Variants in ANKHD1 observed in about 807,000 individuals in gnomAD.
ANKHD1 encodes the protein ankyrin repeat and KH domain containing 1, also known as ankyrin repeat and KH domain-containing protein 1.
ANKHD1 carries 31 observed loss-of-function variants against 230.5 expected under a neutral mutation model. The observed-to-expected ratio is 0.13, with a 90% CI of 0.10 to 0.18. ANKHD1 has a LOEUF of 0.18. Ranked by LOEUF, ANKHD1 falls within the 10% of genes least tolerant of loss-of-function variation. The pLI is 1.00. For synonymous variants in ANKHD1, 1,074 were observed against 1,117.6 expected (o/e 0.96, Z 0.78); for missense variants, 2,256 against 3,071.3 (o/e 0.73, Z 6.27).
intron 10 of ANKHD1, among the ~76,000 whole-genome samples, chr5:140,469,880 A>G (rs1776369002): frequency 6.6e-6 from 1 of 151,702 alleles, no homozygotes; most frequent in Non-Finnish European, 1.5e-5. Flanking sequence ...AGTCTTTCTT[A>G]TTATATAGCT....
At chr5:140,402,549 C>G (rs1042663724) in intron 1 of ANKHD1, among the ~76,000 whole-genome samples, 1 of 152,202 alleles carries the variant, frequency 6.6e-6, no homozygotes, top group Non-Finnish European at 1.5e-5. Context: ...CAGGCTGCCT[C>G]CCGCCCACCC....
chr5:140,451,118 C>T (rs1774702245), intron 7 of ANKHD1, among the ~76,000 whole-genome samples: 1 of 152,090 alleles, frequency 6.6e-6, no homozygotes, highest in Non-Finnish European at 1.5e-5. Context: ...CACCACTGCA[C>T]TCCAGCCTGG....
chr5:140,455,374 A>G (rs1775093450), intron 7 of ANKHD1, among the ~76,000 whole-genome samples: 1 of 152,238 alleles, frequency 6.6e-6, no homozygotes, highest in African/African-American at 2.4e-5. Context: ...TGAGGCCAGC[A>G]TCATCCTAAT....
intron 20 of ANKHD1, 74 bp from the exon 21 acceptor site, chr5:140,509,563 T>C: frequency 7.1e-7 from 1 of 1,408,376 alleles, no homozygotes; most frequent in Non-Finnish European, 9.3e-7. Context: ...AGAAATTATG[T>C]AGCTTAGTTT....
chr5:140,485,398 AC>A lies in ANKHD1; in HGVS notation c.1998+151del, dbSNP rs1751460393. 1 of 598,822 alleles carries A rather than the reference AC, an allele frequency of 1.7e-6. No individual in the cohort carries two copies. Among genetic ancestry groups the A allele is most frequent in the South Asian group, 2.7e-5 (1 of 37,260 alleles). The allele number at this position is 598,822 out of a possible 1,614,324, so 37.1% of individuals were successfully genotyped here. On this transcript the variant is annotated intron_variant, in intron 12 of 33. Coordinates refer to ENST00000360839, the MANE Select transcript of ANKHD1 (RefSeq NM_017747.3). The surrounding 1 kb of genome is among the most constrained non-coding windows in gnomAD (Gnocchi z 4.8). ...ATAAGGAGACCCCATCTCTATTAAA[AC>A]ACACACACACACACACACACACACA...
At position 140,538,331 on chromosome 5, in the gene ANKHD1, C is replaced by G. The variant is rs1364999970; in HGVS notation, c.7404+70C>G. ...CCAATGTAGTCACATTAAGGAATAC[C>G]TTGTATTGAAATAATGCTCCCTTTT... On this transcript the variant is annotated intron_variant, in intron 32 of 33. Transcript: ENST00000360839. The G allele has an allele frequency of 4.5e-6, 7 of 1,558,134 alleles. No individual in the cohort carries two copies. In the South Asian group the frequency reaches 7.3e-5, roughly 16 times the overall value.
chr5:140,502,035 C>CT (rs199863619), intron 15 of ANKHD1, among the ~76,000 whole-genome samples: 28 of 137,122 alleles, frequency 2.0e-4, no homozygotes, highest in Non-Finnish European at 2.8e-4. Flanking sequence ...GACCCTATCT[C>CT]TTTAAAAAAA....
chr5:140,485,277 C>G lies in ANKHD1; in HGVS notation c.1998+29C>G, dbSNP rs770780015. 6.3e-7 allele frequency: 1 copy of G among 1,596,114 alleles called. No homozygotes were observed. Among genetic ancestry groups the G allele is most frequent in the Non-Finnish European group, 8.6e-7 (1 of 1,167,364 alleles). On this transcript the variant is annotated intron_variant, in intron 12 of 33. Coordinates refer to ENST00000360839, the MANE Select transcript of ANKHD1 (RefSeq NM_017747.3). The surrounding 1 kb of genome is among the most constrained non-coding windows in gnomAD (Gnocchi z 4.8). ...GTCTACTTAAAAATAAGTAAACAGGCTGTGTGCGGTGGCTCATGTCTATGA... is the reference window on the plus strand; with the variant it reads ...GTCTACTTAAAAATAAGTAAACAGGGTGTGTGCGGTGGCTCATGTCTATGA...
At chr5:140,425,732 C>A (rs1248425713) in intron 1 of ANKHD1, among the ~76,000 whole-genome samples, 1 of 152,182 alleles carries the variant, frequency 6.6e-6, no homozygotes, top group African/African-American at 2.4e-5. Context: ...CAACAAAACT[C>A]ACCCCTAAGT....
At chr5:140,510,633 T>A (rs1444474320) in intron 22 of ANKHD1, among the ~76,000 whole-genome samples, 2 of 151,988 alleles carry the variant, frequency 1.3e-5, no homozygotes, top group African/African-American at 4.8e-5. Flanking sequence ...AAATCTAAGA[T>A]CTATGTGGTA....
chr5:140,426,560 G>A (rs186750820), intron 1 of ANKHD1, among the ~76,000 whole-genome samples: 178 of 151,372 alleles, frequency 1.2e-3, no homozygotes, highest in African/African-American at 3.1e-3. Flanking sequence ...GGTGTTTCTC[G>A]CAGAGGGGGA....
intron 15 of ANKHD1, among the ~76,000 whole-genome samples, chr5:140,502,809 C>A (rs1752362722): frequency 6.6e-6 from 1 of 151,670 alleles, no homozygotes; most frequent in African/African-American, 2.4e-5. Context: ...AAAAAAATGA[C>A]AAAAAATTTT....
chr5:140,456,748 A>G (rs924285831), intron 7 of ANKHD1, among the ~76,000 whole-genome samples: 33 of 152,232 alleles, frequency 2.2e-4, no homozygotes, highest in Admixed American at 5.2e-4. Flanking sequence ...TAAAACCATA[A>G]AAACCCTAGA....
At chr5:140,500,113 C>A (rs998743055) in intron 15 of ANKHD1, among the ~76,000 whole-genome samples, 8 of 152,102 alleles carry the variant, frequency 5.3e-5, no homozygotes, top group Non-Finnish European at 8.8e-5. Flanking sequence ...AAGTGATCCA[C>A]CTGCATCGGC....
At position 140,482,841 on chromosome 5, in the gene ANKHD1, A is replaced by G. The variant is rs528751042; in HGVS notation, c.1870+174A>G. On this transcript the variant is annotated intron_variant, in intron 11 of 33. Transcript: ENST00000360839. ...AGAGTTTGTGAGTTGTTTACTGGGAATTTTCTTTATTAGTTTTGAATTTTA... is the reference window on the plus strand; with the variant it reads ...AGAGTTTGTGAGTTGTTTACTGGGAGTTTTCTTTATTAGTTTTGAATTTTA... Among the ~76,000 whole-genome samples, 29 of 152,222 alleles carry G rather than the reference A, an allele frequency of 1.9e-4. No homozygotes were observed. In the East Asian group the frequency reaches 3.1e-3, roughly 16 times the overall value.
chr5:140,526,114 A>G lies in ANKHD1; in HGVS notation c.4611A>G (p.Thr1537=). The change falls in exon 26 of 34, where the codon ACA becomes ACG. Residue 1537 remains threonine (T), a synonymous_variant. Transcript: ENST00000360839. Reference sequence around the variant, plus strand: ...GGAAAAAAAGGGCCAATGTGGTGACAACTCCCAGCACCAATCGGAAAAATA... The same window carrying G: ...GGAAAAAAAGGGCCAATGTGGTGACGACTCCCAGCACCAATCGGAAAAATA... ...VFGKKRANVV[T]TPSTNRKNKK... is the part of the protein sequence containing the mutation. 1 of 1,614,056 alleles carries G rather than the reference A, an allele frequency of 6.2e-7. No homozygotes were observed. Among genetic ancestry groups the G allele is most frequent in the East Asian group, 2.2e-5 (1 of 44,888 alleles).
chr5:140,448,539 C>A (rs1372442054), intron 6 of ANKHD1, among the ~76,000 whole-genome samples: 1 of 152,302 alleles, frequency 6.6e-6, no homozygotes, highest in African/African-American at 2.4e-5. Flanking sequence ...ACCCTACACC[C>A]TCACCAATAC....
intron 25 of ANKHD1, chr5:140,524,952 AT>A (rs1276195039): frequency 2.8e-6 from 1 of 354,844 alleles, no homozygotes; most frequent in Non-Finnish European, 5.6e-6. Flanking sequence ...AAAAAAAAAA[AT>A]TACAAAATTA....
intron 24 of ANKHD1, 33 bp downstream of exon 24, chr5:140,513,512 A>G: frequency 6.2e-7 from 1 of 1,601,878 alleles, no homozygotes; most frequent in Non-Finnish European, 8.5e-7. Context: ...CTTTTTAGAA[A>G]TTATTGAGGG....
Sources: allele counts gnomAD v4.1 joint callset (sites outside exome capture counted in the v4.1 genomes callset), GRCh38; gene constraint gnomAD v4.1.1; non-coding constraint Gnocchi (gnomAD v3.1); transcripts MANE v1.5; gene names NCBI Gene and HGNC (gene_info 2026-07-23, HGNC 2026-07-21).